DFFA: variants seen among roughly 807,000 people sequenced by gnomAD.
DFFA encodes the protein DNA fragmentation factor subunit alpha.
DFFA carries 14 observed loss-of-function variants against 28.0 expected under a neutral mutation model. That is an observed-to-expected ratio of 0.50 (90% confidence interval 0.33 to 0.78). The LOEUF (loss-of-function observed/expected upper bound fraction) is 0.78, where lower values mean the gene tolerates loss of function less well. DFFA is among the 30% of genes least tolerant of loss of function. DFFA has a pLI of 0.02. For missense variants in DFFA, 395 were observed against 407.1 expected (o/e 0.97, Z 0.26); for synonymous variants, 158 against 170.3 (o/e 0.93, Z 0.56).
At position 10,461,402 on chromosome 1, in the gene DFFA, T is replaced by C. The variant is rs1640936530; in HGVS notation, c.*88A>G. 3.3e-6 allele frequency: 5 copies of C among 1,502,206 alleles called. No homozygotes were observed. Among genetic ancestry groups the C allele is most frequent in the Admixed American group, 2.1e-5 (1 of 47,340 alleles). The allele number at this position is 1,502,206 out of a possible 1,614,324, so 93.1% of individuals were successfully genotyped here. A position where few individuals can be genotyped will look rare whatever the true frequency, so the allele number is the denominator to read the frequency against. ...AGGTGCTCTAAGGCAGGGGGTAGAG[T>C]AGTACATAGGTAGTCAAATGATGAG... On this transcript the variant is annotated 3_prime_UTR_variant, in exon 6 of 6. Transcript: ENST00000377038.
At chr1:10,465,077 C>A (rs1435404224) in intron 3 of DFFA, among the ~76,000 whole-genome samples, 1 of 148,534 alleles carries the variant, frequency 6.7e-6, no homozygotes, top group Non-Finnish European at 1.5e-5. Context: ...CCTGTGAAGA[C>A]CTCCTCTCTA....
chr1:10,469,506 G>A (rs1641066155), intron 1 of DFFA, among the ~76,000 whole-genome samples, 168 bp from the exon 2 acceptor site: 1 of 152,078 alleles, frequency 6.6e-6, no homozygotes, highest in South Asian at 2.1e-4. Context: ...TCACGTGCCT[G>A]ATTCTGTTCT....
rs1640919513 is a variant in DFFA, at chr1:10,460,820, GC to G, written c.*669del. 6.9e-6 allele frequency: 1 copy of G among 145,482 alleles called. No individual in the cohort carries two copies. Among genetic ancestry groups the G allele is most frequent in the Non-Finnish European group, 1.5e-5 (1 of 65,722 alleles). The allele number at this position is 145,482 out of a possible 1,614,324, so 9.0% of individuals were successfully genotyped here. A position where few individuals can be genotyped will look rare whatever the true frequency, so the allele number is the denominator to read the frequency against. On this transcript the variant is annotated 3_prime_UTR_variant, in exon 6 of 6. Transcript: ENST00000377038. ...TGGGATTACAAGCGTGAGCCAACAC[GC>G]TCGGCCTGGCTTTTTTTTTTTTTAA...
rs546825777 is a variant in DFFA, at chr1:10,464,923, C to T, written c.442-1303G>A. Among the ~76,000 whole-genome samples the T allele has an allele frequency of 2.6e-5, 4 of 152,252 alleles. No homozygotes were observed. The East Asian group carries it at 7.7e-4, about 29-fold the overall frequency. The stretch of plus-strand genomic sequence containing the variant: ...CTTGTTCGCCACTGCACACCCAGTG[C>T]ATAGAACCATGACAGGCACAGGATG... On this transcript the variant is annotated intron_variant, in intron 3 of 5. Transcript: ENST00000377038.
chr1:10,461,745 C>T (rs772982346), intron 5 of DFFA, 43 bp from the exon 6 acceptor site: 15 of 1,606,710 alleles, frequency 9.3e-6, no homozygotes, highest in South Asian at 4.4e-5. Context: ...GCCTTCTGTG[C>T]GCCTCTCCTG....
chr1:10,467,443 G>T, intron 2 of DFFA, 111 bp from the exon 3 acceptor site: 2 of 1,190,154 alleles, frequency 1.7e-6, no homozygotes, highest in Non-Finnish European at 2.5e-6. Flanking sequence ...CAATGGGAAA[G>T]AAGCATCTTA....
At chr1:10,471,221 T>A (rs1420242245) in intron 1 of DFFA, among the ~76,000 whole-genome samples, 1 of 152,092 alleles carries the variant, frequency 6.6e-6, no homozygotes, top group Non-Finnish European at 1.5e-5. Context: ...CCAGGACAGG[T>A]CTGTACTATT....
Position 10,461,702 on chromosome 1 carries a change from A to G in DFFA, c.784T>C (p.Leu262=), listed in dbSNP as rs1640942807. The G allele has an allele frequency of 1.2e-6, 2 of 1,614,014 alleles. No homozygotes were observed. Among genetic ancestry groups the G allele is most frequent in the Non-Finnish European group, 1.7e-6 (2 of 1,179,952 alleles). The stretch of plus-strand genomic sequence containing the variant: ...GCTTTGGGGTCTTCCTTGGTAACCA[A>G]CTGCAGCAAGAATAAAAACCCCTGA... ...ELSLSSQDLE[L]VTKEDPKALA... The change falls in exon 6 of 6, where the codon TTG becomes CTG. Residue 262 remains leucine (L), a splice_region_variant and synonymous_variant. Transcript: ENST00000377038.
rs190551472 is a variant in DFFA at position 10,470,945 on chromosome 1, C to G, written c.136+1378G>C. Among the ~76,000 whole-genome samples, 289 of 150,264 alleles carry G rather than the reference C, an allele frequency of 1.9e-3. 1 individual carries two copies. The highest frequency in any genetic ancestry group is 3.3e-3 in the Non-Finnish European group (226 of 67,578). ...GGGCGTGGTGGTGGGCGCCTGTAGT[C>G]CCAGCTACTCGGGAGGCTGAAGCAG... On this transcript the variant is annotated intron_variant, in intron 1 of 5. Coordinates refer to ENST00000377038, the MANE Select transcript of DFFA (RefSeq NM_004401.3).
Position 10,457,548 on chromosome 1 carries a change from G to T in DFFA, c.*3942C>A, listed in dbSNP as rs1182320521. ...AAAAACTTAGCCGGGTGTGGTGGCG[G>T]GCACCTGTAATCCCAGCTACTCTGG... On this transcript the variant is annotated 3_prime_UTR_variant, in exon 6 of 6. Coordinates refer to ENST00000377038, the MANE Select transcript of DFFA (RefSeq NM_004401.3). 6.6e-6 allele frequency: 1 copy of T among 151,716 alleles called. No homozygotes were observed. Among genetic ancestry groups the T allele is most frequent in the Non-Finnish European group, 1.5e-5 (1 of 67,984 alleles). 9.4% of individuals were successfully genotyped at this position (151,716 alleles called of 1,614,324 possible). A position where few individuals can be genotyped will look rare whatever the true frequency, so the allele number is the denominator to read the frequency against.
Position 10,463,076 on chromosome 1 carries a change from T to G in DFFA, c.765A>C (p.Leu255Phe). The G allele has an allele frequency of 6.2e-7, 1 of 1,614,120 alleles. No homozygotes were observed. Among genetic ancestry groups the G allele is most frequent in the Non-Finnish European group, 8.5e-7 (1 of 1,180,026 alleles). Residue 255 changes from leucine (L) to phenylalanine (F), a missense_variant, in exon 5 of 6, where the codon TTA becomes TTC. Transcript: ENST00000377038. The part of the protein sequence containing the change: ...LREKQAPELS[L>F]SSQDLELVTK... ...CGCCCACCTCCAAATCCTGACTAGA[T>G]AAGCTCAGCTCTGGAGCCTGCTTCT...
intron 5 of DFFA, chr1:10,462,750 A>G (rs935574352): frequency 2.5e-6 from 3 of 1,209,514 alleles, no homozygotes; most frequent in African/African-American, 1.5e-5. Context: ...CTGACCATGG[A>G]AAGACCCAGA....
intron 3 of DFFA, among the ~76,000 whole-genome samples, chr1:10,464,713 TCAAAC>T (rs1158990162): frequency 6.6e-6 from 1 of 152,124 alleles, no homozygotes. Flanking sequence ...AGACCCTGTC[TCAAAC>T]CAAACCAAAC....
chr1:10,461,322 T>TAAA lies in DFFA; in HGVS notation c.*165_*167dup. Reference sequence around the variant, plus strand: ...GCAGAAGTCCTGAAGCTGGTGGGGCTAAAAAAAAAATTGGTGGAACGGCGT... The same window carrying TAAA: ...GCAGAAGTCCTGAAGCTGGTGGGGCTAAAAAAAAAAAAATTGGTGGAACGGCGT... On this transcript the variant is annotated 3_prime_UTR_variant, in exon 6 of 6. Transcript: ENST00000377038. 1 of 1,022,058 alleles carries TAAA rather than the reference T, an allele frequency of 9.8e-7. No homozygotes were observed. The highest frequency in any genetic ancestry group is 1.3e-6 in the Non-Finnish European group (1 of 757,952). The allele number at this position is 1,022,058 out of a possible 1,614,324, so 63.3% of individuals were successfully genotyped here. A position where few individuals can be genotyped will look rare whatever the true frequency, so the allele number is the denominator to read the frequency against.
intron 2 of DFFA, among the ~76,000 whole-genome samples, chr1:10,468,963 T>C (rs1641057258): frequency 6.6e-6 from 1 of 152,282 alleles, no homozygotes; most frequent in Non-Finnish European, 1.5e-5. Context: ...GGTCTCAAAC[T>C]CCTGAGCTCA....
intron 5 of DFFA, chr1:10,462,528 C>G (rs1238464795): frequency 1.2e-5 from 12 of 989,678 alleles, no homozygotes; most frequent in Non-Finnish European, 1.4e-5. Context: ...GAAATTTAGC[C>G]AAGCTCAAGT....
intron 5 of DFFA, 62 bp downstream of exon 5, chr1:10,462,996 G>A (rs1416645607): frequency 6.2e-7 from 1 of 1,604,876 alleles, no homozygotes; most frequent in Non-Finnish European, 8.5e-7. Context: ...ACCTCTGCAT[G>A]ATACTACTAC....
At chr1:10,462,842 T>C (rs1453347710) in intron 5 of DFFA, 2 of 1,393,976 alleles carry the variant, frequency 1.4e-6, no homozygotes, top group South Asian at 1.6e-5. Context: ...CAGAGTCTGT[T>C]TGATGATCTG....
chr1:10,465,243 C>A (rs764435535), intron 3 of DFFA, among the ~76,000 whole-genome samples: 1 of 151,946 alleles, frequency 6.6e-6, no homozygotes, highest in Non-Finnish European at 1.5e-5. Context: ...TACAGGCACA[C>A]GCCATCACGC....
Sources: allele counts gnomAD v4.1 joint callset (sites outside exome capture counted in the v4.1 genomes callset), GRCh38; gene constraint gnomAD v4.1.1; transcripts MANE v1.5; gene names NCBI Gene and HGNC (gene_info 2026-07-23, HGNC 2026-07-21).